The following RBPJ variants were observed in gnomAD, a reference collection of about 807,000 sequenced individuals.
The protein encoded by RBPJ is recombination signal binding protein for immunoglobulin kappa J region.
A neutral mutation model predicts 67.8 loss-of-function variants in RBPJ; 9 were observed. The ratio of observed to expected loss-of-function variants is 0.13; its 90% CI spans 0.08 to 0.23. The LOEUF (loss-of-function observed/expected upper bound fraction) is 0.23, where lower values mean the gene tolerates loss of function less well. Among genes scored for constraint, RBPJ ranks in the 10% least tolerant of loss-of-function variants. The pLI is 1.00. For synonymous variants in RBPJ, 198 were observed against 203.3 expected, an observed-to-expected ratio of 0.97 and a Z score of 0.22; for missense variants, 305 against 595.6, an observed-to-expected ratio of 0.51 and a Z score of 5.08.
At chr4:26,270,823 A>G (rs901903889) in intron 1 of RBPJ, among the ~76,000 whole-genome samples, 5 of 152,142 alleles carry the variant, frequency 3.3e-5, no homozygotes, top group Non-Finnish European at 7.4e-5. Flanking sequence ...CAAATTTATT[A>G]CATGCACAGG....
intron 1 of RBPJ, among the ~76,000 whole-genome samples, chr4:26,203,194 A>C (rs756717309): frequency 2.0e-5 from 3 of 152,200 alleles, no homozygotes; most frequent in Non-Finnish European, 4.4e-5. Context: ...TTTTAAATCA[A>C]AAATCAAATT....
intron 1 of RBPJ, among the ~76,000 whole-genome samples, chr4:26,349,536 A>G (rs1726580784): frequency 6.6e-6 from 1 of 152,234 alleles, no homozygotes; most frequent in Admixed American, 6.5e-5. Flanking sequence ...TCTTAGCTGA[A>G]AAGCTATTGT....
intron 1 of RBPJ, among the ~76,000 whole-genome samples, chr4:26,265,726 G>A (rs1405972262): frequency 6.6e-6 from 1 of 151,968 alleles, no homozygotes; most frequent in Non-Finnish European, 1.5e-5. Flanking sequence ...TGGATGGGAA[G>A]GAAACAAAAG....
the RBPJ span, among the ~76,000 whole-genome samples, chr4:26,137,358 C>T: frequency 6.6e-6 from 1 of 152,342 alleles, no homozygotes; most frequent in East Asian, 1.9e-4. Context: ...TCCCTACCCT[C>T]TGGTAACCTT....
rs186630513 is a variant in RBPJ, at chr4:26,243,910, C to T, written c.-167+80296C>T. ...AGGAGTTCAAGACCAGCCTGGGTGACATGGTGAAATTCGTCTCTACAAAAA... is the reference window on the plus strand; with the variant it reads ...AGGAGTTCAAGACCAGCCTGGGTGATATGGTGAAATTCGTCTCTACAAAAA... On this transcript the variant is annotated intron_variant, in intron 1 of 4. Coordinates refer to the RBPJ transcript ENST00000512351. Among the ~76,000 whole-genome samples the T allele has an allele frequency of 2.6e-5, 4 of 152,006 alleles. No homozygotes were observed. The East Asian group carries it at 7.8e-4, about 30-fold the overall frequency.
intron 2 of RBPJ, among the ~76,000 whole-genome samples, chr4:26,386,835 T>G (rs553622809): frequency 1.3e-5 from 2 of 152,250 alleles, no homozygotes; most frequent in South Asian, 2.1e-4. Flanking sequence ...ATATACATTT[T>G]AATTATGAAT....
At chr4:26,215,334 A>G (rs1718669698) in intron 1 of RBPJ, among the ~76,000 whole-genome samples, 1 of 60,390 alleles carries the variant, frequency 1.7e-5, no homozygotes, top group Non-Finnish European at 3.0e-5. Context: ...AGAAAAAGAG[A>G]GAGAGAAAGA....
intron 5 of RBPJ, among the ~76,000 whole-genome samples, chr4:26,421,115 T>G (rs1009960065): frequency 2.6e-5 from 4 of 152,178 alleles, no homozygotes; most frequent in African/African-American, 9.7e-5. Context: ...AGTACCCCTT[T>G]GAAAAACGCT....
chr4:26,149,920 C>G, the RBPJ span, among the ~76,000 whole-genome samples: 1 of 152,186 alleles, frequency 6.6e-6, no homozygotes, highest in Non-Finnish European at 1.5e-5. Flanking sequence ...CAGCTATGCC[C>G]CAAGACTCCA....
intron 2 of RBPJ, among the ~76,000 whole-genome samples, chr4:26,404,392 C>G (rs762336018): frequency 6.6e-6 from 1 of 152,162 alleles, no homozygotes; most frequent in African/African-American, 2.4e-5. Flanking sequence ...CTTTTATCAT[C>G]ACCTGTTATG....
the RBPJ span, chr4:26,113,914 A>G: frequency 6.5e-6 from 1 of 154,692 alleles, no homozygotes; most frequent in African/African-American, 2.4e-5. Flanking sequence ...GAATGTCAGA[A>G]ATTACTAGAA....
chr4:26,222,450 G>A (rs1249303221), intron 1 of RBPJ, among the ~76,000 whole-genome samples: 2 of 147,414 alleles, frequency 1.4e-5, no homozygotes, highest in South Asian at 2.1e-4. Context: ...AGCCAAGATG[G>A]CGCCACTGCA....
intron 1 of RBPJ, among the ~76,000 whole-genome samples, chr4:26,340,075 T>C (rs907884694): frequency 1.3e-5 from 2 of 152,104 alleles, no homozygotes; most frequent in Non-Finnish European, 2.9e-5. Flanking sequence ...GAGTACATAC[T>C]ACTTACCAGT....
intron 1 of RBPJ, among the ~76,000 whole-genome samples, chr4:26,285,577 A>G (rs1721436303): frequency 6.6e-6 from 1 of 151,810 alleles, no homozygotes. Flanking sequence ...GAGAAGGGAG[A>G]CAAAACATTG....
intron 1 of RBPJ, among the ~76,000 whole-genome samples, chr4:26,291,725 C>A (rs557416617): frequency 6.7e-6 from 1 of 149,984 alleles, no homozygotes; most frequent in Non-Finnish European, 1.5e-5. Flanking sequence ...TACAGGCATG[C>A]GCTGCCATGC....
intron 1 of RBPJ, among the ~76,000 whole-genome samples, chr4:26,274,700 C>T (rs916246274): frequency 6.6e-6 from 1 of 152,086 alleles, no homozygotes; most frequent in African/African-American, 2.4e-5. Flanking sequence ...CTTCGGGAGG[C>T]TGAGGCTGGT....
intron 1 of RBPJ, among the ~76,000 whole-genome samples, chr4:26,213,152 G>A: frequency 6.6e-6 from 1 of 152,192 alleles, no homozygotes; most frequent in Middle Eastern, 3.2e-3. Flanking sequence ...GAGAGGTCAT[G>A]AGAACCCCAA....
At chr4:26,255,331 G>A (rs1349353261) in intron 1 of RBPJ, among the ~76,000 whole-genome samples, 5 of 123,840 alleles carry the variant, frequency 4.0e-5, no homozygotes, top group African/African-American at 7.4e-5. Flanking sequence ...GTGAACCCAG[G>A]AGGCGGAGCT....
intron 1 of RBPJ, among the ~76,000 whole-genome samples, chr4:26,335,693 C>T (rs1228777585): frequency 6.8e-6 from 1 of 147,404 alleles, no homozygotes; most frequent in Non-Finnish European, 1.5e-5. Flanking sequence ...GATCTCGGCT[C>T]ACTGCAGCCT....
Sources: gnomAD v4.1 joint callset for allele counts (sites outside exome capture counted in the v4.1 genomes callset) on GRCh38, gnomAD v4.1.1 for gene constraint, MANE v1.5 for transcripts, NCBI Gene and HGNC (gene_info 2026-07-23, HGNC 2026-07-21) for gene names.